Variants in RBMS3 observed in about 807,000 individuals in gnomAD.
RBMS3 encodes the protein RNA binding motif single stranded interacting protein 3.
A neutral mutation model predicts 66.8 loss-of-function variants in RBMS3; 27 were observed. That is an observed-to-expected ratio of 0.40 (90% CI 0.30 to 0.56). The LOEUF (loss-of-function observed/expected upper bound fraction) is 0.56. Among genes scored for constraint, RBMS3 ranks in the 20% least tolerant of loss-of-function variants. RBMS3 has a pLI of 0.40. For missense variants in RBMS3, 513 were observed against 549.5 expected, an observed-to-expected ratio of 0.93 and a Z score of 0.66; for synonymous variants, 188 against 183.0, an observed-to-expected ratio of 1.03 and a Z score of -0.22.
At chr3:29,834,715 G>C (rs1394014225) in intron 6 of RBMS3, among the ~76,000 whole-genome samples, 1 of 151,918 alleles carries the variant, frequency 6.6e-6, no homozygotes, top group African/African-American at 2.4e-5. Context: ...CAAGAAAGAA[G>C]AAAGAATCAA....
At chr3:29,731,230 A>T (rs1309823549) in intron 4 of RBMS3, among the ~76,000 whole-genome samples, 2 of 152,226 alleles carry the variant, frequency 1.3e-5, no homozygotes, top group East Asian at 3.8e-4. Flanking sequence ...TGAGGACATG[A>T]ACTCCAGTTG....
chr3:29,831,925 A>G (rs773724858), intron 6 of RBMS3, among the ~76,000 whole-genome samples: 12 of 152,100 alleles, frequency 7.9e-5, no homozygotes, highest in Non-Finnish European at 1.8e-4. Context: ...TTTATATAAG[A>G]TAAAGGTTAT....
At chr3:29,551,218 G>A (rs1200530373) in intron 3 of RBMS3, among the ~76,000 whole-genome samples, 2 of 152,164 alleles carry the variant, frequency 1.3e-5, no homozygotes, top group Non-Finnish European at 2.9e-5. Context: ...ATCACATTTT[G>A]ATTGACATAT....
At chr3:29,831,769 T>C (rs1262430672) in intron 6 of RBMS3, among the ~76,000 whole-genome samples, 2 of 152,100 alleles carry the variant, frequency 1.3e-5, no homozygotes, top group African/African-American at 4.8e-5. Flanking sequence ...GATTGATTTT[T>C]CCTCTTGTTT....
In RBMS3 at chr3:29,587,611, A is replaced by C. The variant is rs551487864; in HGVS notation, c.399+406A>C. 3.2e-4 allele frequency among the ~76,000 whole-genome samples: 48 copies of C among 151,850 alleles called. 1 individual carries two copies. The South Asian group carries it at 1.0e-2, about 32-fold the overall frequency. Reference sequence around the variant, plus strand: ...TACTGGTAAACAGTTTTAGAGTAGTAGAATTATCAGCAACTTGTCTTTGAT... The same window carrying C: ...TACTGGTAAACAGTTTTAGAGTAGTCGAATTATCAGCAACTTGTCTTTGAT... On this transcript the variant is annotated intron_variant, in intron 4 of 14. Coordinates refer to ENST00000383767, the MANE Select transcript of RBMS3 (RefSeq NM_001003793.3).
rs547761787 is a variant in RBMS3 at position 29,594,296 on chromosome 3, T to C, written c.399+7091T>C. On this transcript the variant is annotated intron_variant, in intron 4 of 14. Transcript: ENST00000383767. Reference sequence around the variant, plus strand: ...TTTTTTCATGTGAGTCAAATTCTAATTGATCAGTAAATTTTTATTTCAACA... The same window carrying C: ...TTTTTTCATGTGAGTCAAATTCTAACTGATCAGTAAATTTTTATTTCAACA... 8.0e-4 allele frequency among the ~76,000 whole-genome samples: 122 copies of C among 152,274 alleles called. No individual in the cohort carries two copies. The Middle Eastern group carries it at 0.014, about 17-fold the overall frequency.
chr3:29,969,918 G>A (rs552466999), intron 12 of RBMS3, among the ~76,000 whole-genome samples: 1 of 152,230 alleles, frequency 6.6e-6, no homozygotes, highest in East Asian at 1.9e-4. Context: ...TTGACCTTAA[G>A]TCATTGATCC....
intron 3 of RBMS3, among the ~76,000 whole-genome samples, chr3:29,533,888 C>T (rs553107896): frequency 6.6e-6 from 1 of 152,264 alleles, no homozygotes; most frequent in Non-Finnish European, 1.5e-5. Flanking sequence ...ACATTAAATG[C>T]CCTGTGATTA....
intron 3 of RBMS3, among the ~76,000 whole-genome samples, chr3:29,521,520 G>C (rs2148974185): frequency 6.6e-6 from 1 of 152,232 alleles, no homozygotes; most frequent in African/African-American, 2.4e-5. Context: ...TTACATTCCT[G>C]GAAAAATCTC....
At chr3:29,546,874 T>A (rs1576187425) in intron 3 of RBMS3, among the ~76,000 whole-genome samples, 1 of 152,200 alleles carries the variant, frequency 6.6e-6, no homozygotes, top group East Asian at 1.9e-4. Context: ...CCTGTAGACA[T>A]GGAATCTATC....
chr3:29,719,076 A>T (rs1484926336), intron 4 of RBMS3, among the ~76,000 whole-genome samples: 6 of 152,118 alleles, frequency 3.9e-5, no homozygotes, highest in Non-Finnish European at 7.4e-5. Context: ...CACATGAATC[A>T]CCTATGGATC....
intron 4 of RBMS3, among the ~76,000 whole-genome samples, chr3:29,692,912 G>A (rs1222722381): frequency 6.6e-6 from 1 of 152,088 alleles, no homozygotes; most frequent in Non-Finnish European, 1.5e-5. Context: ...TGTACATTGT[G>A]CTCATTTATG....
rs190911765 is a variant in RBMS3, at chr3:29,935,540, C to T, written c.940-546C>T. On this transcript the variant is annotated intron_variant, in intron 10 of 14. Transcript: ENST00000383767. ...GAAAACAAATGGGAAATAGTAATTT[C>T]GATTTTTAGATTATCAATGATAGAT... 2.6e-4 allele frequency among the ~76,000 whole-genome samples: 40 copies of T among 152,076 alleles called. No homozygotes were observed. In the Middle Eastern group the frequency reaches 0.014, roughly 52 times the overall value.
intron 4 of RBMS3, among the ~76,000 whole-genome samples, chr3:29,660,607 G>A (rs1274794365): frequency 1.3e-5 from 2 of 150,460 alleles, no homozygotes; most frequent in Non-Finnish European, 3.0e-5. Context: ...AGGGTTAGCT[G>A]GGTTTTTTTT....
intron 2 of RBMS3, among the ~76,000 whole-genome samples, chr3:29,437,202 C>T (rs1372454365): frequency 6.6e-6 from 1 of 152,202 alleles, no homozygotes; most frequent in Non-Finnish European, 1.5e-5. Flanking sequence ...ATTTATAACA[C>T]AGGAATCAGC....
At chr3:29,872,349 G>A (rs2059511471) in intron 7 of RBMS3, among the ~76,000 whole-genome samples, 1 of 152,084 alleles carries the variant, frequency 6.6e-6, no homozygotes, top group Non-Finnish European at 1.5e-5. Context: ...TCGCTTTAAT[G>A]TCTGGCTCAG....
chr3:29,727,534 A>C (rs777472129), intron 4 of RBMS3, among the ~76,000 whole-genome samples: 2 of 152,184 alleles, frequency 1.3e-5, no homozygotes, highest in Non-Finnish European at 2.9e-5. Flanking sequence ...CAACCCTATC[A>C]AAAAGTAGGC....
At chr3:29,397,068 T>C (rs1026858653) in intron 1 of RBMS3, among the ~76,000 whole-genome samples, 1 of 152,232 alleles carries the variant, frequency 6.6e-6, no homozygotes, top group Non-Finnish European at 1.5e-5. Flanking sequence ...TTCAAATGTC[T>C]GTGCCTCGTA....
At chr3:29,414,234 A>C (rs1254403318) in intron 1 of RBMS3, among the ~76,000 whole-genome samples, 1 of 152,232 alleles carries the variant, frequency 6.6e-6, no homozygotes, top group Non-Finnish European at 1.5e-5. Context: ...CTGCAATCAA[A>C]TAAAGGGGAG....
Sources: gnomAD v4.1 joint callset for allele counts (sites outside exome capture counted in the v4.1 genomes callset) on GRCh38, gnomAD v4.1.1 for gene constraint, MANE v1.5 for transcripts, NCBI Gene and HGNC (gene_info 2026-07-23, HGNC 2026-07-21) for gene names.